Variants in XKR6 observed in about 807,000 individuals in gnomAD.
The protein encoded by XKR6 is XK-related protein 6.
Under a neutral mutation model 56.7 loss-of-function variants are expected in XKR6, and 22 were observed. The ratio of observed to expected loss-of-function variants is 0.39; its 90% CI spans 0.28 to 0.55. XKR6 has a LOEUF of 0.55. Ranked by LOEUF, XKR6 falls within the 20% of genes least tolerant of loss-of-function variation. The pLI, the probability that XKR6 is intolerant of heterozygous loss-of-function variation, is 0.66. For synonymous variants in XKR6, 524 were observed against 387.8 expected, an observed-to-expected ratio of 1.35 and a Z score of -4.13; for missense variants, 852 against 889.0, an observed-to-expected ratio of 0.96 and a Z score of 0.53.
chr8:11,132,381 C>T lies in XKR6; in HGVS notation c.764+68195G>A, dbSNP rs539559126. ...TCTTTTTCTTTTTTTTTCCCCCAGACGGAATCTTGCTCTGTCACCCAGGCT... is the reference window on the plus strand; with the variant it reads ...TCTTTTTCTTTTTTTTTCCCCCAGATGGAATCTTGCTCTGTCACCCAGGCT... On this transcript the variant is annotated intron_variant, in intron 1 of 2. Coordinates refer to ENST00000416569, the MANE Select transcript of XKR6 (RefSeq NM_173683.4). Among the ~76,000 whole-genome samples the T allele has an allele frequency of 7.2e-5, 11 of 151,856 alleles. No individual in the cohort carries two copies. The East Asian group carries it at 7.7e-4, about 11-fold the overall frequency.
chr8:11,186,635 C>T (rs1803290051), intron 1 of XKR6, among the ~76,000 whole-genome samples: 1 of 152,190 alleles, frequency 6.6e-6, no homozygotes, highest in South Asian at 2.1e-4. Flanking sequence ...CCACCTTGGC[C>T]TTGCAAAGTG....
At chr8:11,101,504 G>A (rs1798481826) in intron 1 of XKR6, among the ~76,000 whole-genome samples, 1 of 152,174 alleles carries the variant, frequency 6.6e-6, no homozygotes, top group Admixed American at 6.5e-5. Context: ...ATGATAAAAA[G>A]TTGTCTGAAT....
intron 1 of XKR6, among the ~76,000 whole-genome samples, chr8:10,998,221 A>G (rs1309955649): frequency 6.6e-6 from 1 of 151,936 alleles, no homozygotes; most frequent in East Asian, 1.9e-4. Flanking sequence ...GGCATTCCCA[A>G]GCAAGCTCCC....
At chr8:11,040,330 G>A (rs537027910) in intron 1 of XKR6, among the ~76,000 whole-genome samples, 9 of 149,400 alleles carry the variant, frequency 6.0e-5, no homozygotes, top group South Asian at 2.1e-4. Flanking sequence ...GAGACCAGCC[G>A]GGGCAACATA....
intron 1 of XKR6, among the ~76,000 whole-genome samples, chr8:11,042,003 C>G (rs1402809737): frequency 6.6e-6 from 1 of 152,230 alleles, no homozygotes; most frequent in Admixed American, 6.5e-5. Context: ...TCCCACCCCA[C>G]TTGGCCTCCC....
At chr8:11,111,567 G>C (rs992051223) in intron 1 of XKR6, 11 of 152,050 alleles carry the variant, frequency 7.2e-5, no homozygotes, top group African/African-American at 2.7e-4. Flanking sequence ...CAAGCAGACA[G>C]AAAAGACAAG....
intron 1 of XKR6, among the ~76,000 whole-genome samples, chr8:11,028,780 T>A (rs1027824692): frequency 7.2e-5 from 11 of 152,190 alleles, no homozygotes; most frequent in African/African-American, 2.7e-4. Context: ...CTTGTCCCAT[T>A]GACCCTCACA....
chr8:11,146,990 T>C (rs1260490485), intron 1 of XKR6, among the ~76,000 whole-genome samples: 1 of 151,724 alleles, frequency 6.6e-6, no homozygotes, highest in African/African-American at 2.4e-5. Context: ...GGGGAGGTGA[T>C]GGTCAAAGGG....
intron 1 of XKR6, among the ~76,000 whole-genome samples, chr8:10,995,059 G>A (rs1233247681): frequency 2.6e-5 from 4 of 152,192 alleles, no homozygotes; most frequent in African/African-American, 9.7e-5. Context: ...GTCTGAGAAG[G>A]CCCTGCAGCT....
At chr8:11,091,440 T>TAAAC (rs1239703037) in intron 1 of XKR6, among the ~76,000 whole-genome samples, 1 of 148,924 alleles carries the variant, frequency 6.7e-6, no homozygotes, top group Admixed American at 6.7e-5. Flanking sequence ...CTGACTCAAA[T>TAAAC]AAATAAATAA....
chr8:11,030,489 C>T (rs537499748), intron 1 of XKR6, among the ~76,000 whole-genome samples: 4 of 152,236 alleles, frequency 2.6e-5, no homozygotes, highest in East Asian at 1.9e-4. Context: ...TGATCAATGT[C>T]GAAGTAAAAA....
At chr8:10,918,652 C>T (rs1383618747) in intron 2 of XKR6, among the ~76,000 whole-genome samples, 5 of 152,212 alleles carry the variant, frequency 3.3e-5, no homozygotes, top group East Asian at 1.9e-4. Context: ...AAGCTTGAGG[C>T]GTTGTGCATG....
intron 1 of XKR6, among the ~76,000 whole-genome samples, chr8:11,059,441 G>T (rs558230952): frequency 1.8e-4 from 27 of 152,308 alleles, no homozygotes; most frequent in African/African-American, 6.0e-4. Context: ...GCTCAGCTCC[G>T]CGTCCCCGCG....
At position 11,200,889 on chromosome 8, in the gene XKR6, G is replaced by C; in HGVS notation, c.451C>G (p.Leu151Val). ...TAGTCCCCCTTGCGGTAGTAGTCGAGGGCCAGCCACAGGTCGGTGCCCACG... is the reference window on the plus strand; with the variant it reads ...TAGTCCCCCTTGCGGTAGTAGTCGACGGCCAGCCACAGGTCGGTGCCCACG... ...GDVGTDLWLA[L>V]DYYRKGDYVY... The change falls in exon 1 of 3, where the codon CTC (leucine) becomes GTC (valine). Residue 151 changes from leucine (L) to valine (V), a missense_variant. Around this residue, in one of 4 missense-constraint regions of XKR6, gnomAD observed 417 missense variants for 355.2 expected, o/e 1.17. Coordinates refer to ENST00000416569, the MANE Select transcript of XKR6 (RefSeq NM_173683.4). This position sits in a 1 kb window ranked among gnomAD's most constrained non-coding sequence, Gnocchi z 6.4. 2 of 1,611,102 alleles carry C rather than the reference G, an allele frequency of 1.2e-6. No individual in the cohort carries two copies. Among genetic ancestry groups the C allele is most frequent in the Non-Finnish European group, 1.7e-6 (2 of 1,179,372 alleles).
chr8:11,053,665 T>C (rs1476628669), intron 1 of XKR6, among the ~76,000 whole-genome samples: 1 of 152,230 alleles, frequency 6.6e-6, no homozygotes, highest in East Asian at 1.9e-4. Context: ...TGGAACCAGC[T>C]TTCATTGATC....
At chr8:11,069,672 C>A (rs535411283) in intron 1 of XKR6, among the ~76,000 whole-genome samples, 2 of 152,042 alleles carry the variant, frequency 1.3e-5, no homozygotes, top group African/African-American at 4.8e-5. Context: ...GATCAATAAG[C>A]AAACAGAATA....
intron 1 of XKR6, among the ~76,000 whole-genome samples, chr8:10,930,070 C>G (rs189778828): frequency 1.3e-3 from 191 of 148,476 alleles, no homozygotes; most frequent in African/African-American, 4.0e-3. Flanking sequence ...AGTCATGGTT[C>G]AGGAAAATCA....
chr8:11,070,321 T>C (rs1406701771), intron 1 of XKR6, among the ~76,000 whole-genome samples: 1 of 152,152 alleles, frequency 6.6e-6, no homozygotes, highest in Non-Finnish European at 1.5e-5. Flanking sequence ...AGAAGCTGGG[T>C]TTGTAGCAGT....
chr8:11,144,223 A>AGTGTGTGT (rs35351104), intron 1 of XKR6, among the ~76,000 whole-genome samples: 2,757 of 136,488 alleles, frequency 0.02, 59 homozygotes, highest in African/African-American at 0.054. Context: ...TTAAATAAAA[A>AGTGTGTGT]GTGTGTGTGT....
Sources: gnomAD v4.1 joint callset for allele counts (sites outside exome capture counted in the v4.1 genomes callset) on GRCh38, gnomAD v4.1.1 for gene constraint, gnomAD v4.1.1 regional missense constraint, Gnocchi (gnomAD v3.1) non-coding constraint, MANE v1.5 for transcripts, NCBI Gene and HGNC (gene_info 2026-07-23, HGNC 2026-07-21) for gene names.